Variants in ARHGAP6 observed in about 807,000 individuals in gnomAD.
The protein encoded by ARHGAP6 is rho GTPase-activating protein 6.
ARHGAP6 carries 16 observed loss-of-function variants against 55.7 expected under a neutral mutation model. That is an observed-to-expected ratio of 0.29 (90% confidence interval 0.19 to 0.44). The LOEUF is 0.44. Ranked by LOEUF, ARHGAP6 falls within the 20% of genes least tolerant of loss-of-function variation. The probability of loss-of-function intolerance (pLI) is 1.00; values close to 1 mark genes in which losing one functional copy is unlikely to be tolerated. For synonymous variants in ARHGAP6, 382 were observed against 360.9 expected (o/e 1.06, Z -0.66); for missense variants, 698 against 808.9 (o/e 0.86, Z 1.66).
chrX:11,564,285 T>C (rs973471414), intron 1 of ARHGAP6, among the ~76,000 whole-genome samples: 3 of 111,422 alleles, frequency 2.7e-5, no homozygotes, highest in East Asian at 2.8e-4. Flanking sequence ...TTTTTCCAAC[T>C]AGAATTTTTT....
chrX:11,646,440 A>T (rs2052528648), intron 1 of ARHGAP6, among the ~76,000 whole-genome samples: 1 of 111,843 alleles, frequency 8.9e-6, no homozygotes, highest in Non-Finnish European at 1.9e-5. Context: ...TTCAATACAG[A>T]ATATAAACGC....
At chrX:11,611,875 A>C (rs1430420790) in intron 1 of ARHGAP6, among the ~76,000 whole-genome samples, 1 of 110,206 alleles carries the variant, frequency 9.1e-6, no homozygotes, top group African/African-American at 3.3e-5. Context: ...CTGAGTGACT[A>C]TAATATGCCA....
intron 1 of ARHGAP6, among the ~76,000 whole-genome samples, chrX:11,647,290 A>G (rs1295348240): frequency 8.9e-6 from 1 of 112,484 alleles, no homozygotes; most frequent in African/African-American, 3.2e-5. Flanking sequence ...TGAGCACAGA[A>G]GAATGCTGCT....
intron 1 of ARHGAP6, among the ~76,000 whole-genome samples, chrX:11,551,652 G>A (rs945158475): frequency 4.5e-5 from 5 of 111,909 alleles, no homozygotes; most frequent in Admixed American, 1.9e-4. Context: ...TTAAAATGAT[G>A]TCATTAGAGT....
At chrX:11,411,701 AATATAT>A (rs1556011229) in intron 1 of ARHGAP6, among the ~76,000 whole-genome samples, 1 of 111,332 alleles carries the variant, frequency 9.0e-6, no homozygotes, top group African/African-American at 3.3e-5. Context: ...GAAAGGAAAA[AATATAT>A]ATATACCATT....
intron 2 of ARHGAP6, among the ~76,000 whole-genome samples, chrX:11,238,167 T>A (rs751276851): frequency 2.7e-5 from 3 of 112,824 alleles, no homozygotes; most frequent in Non-Finnish European, 5.6e-5. Context: ...GCTCAAGTTA[T>A]ACTTTATCTC....
At chrX:11,552,599 T>TATATATATATATATAC (rs1491079107) in intron 1 of ARHGAP6, among the ~76,000 whole-genome samples, 3 of 48,229 alleles carry the variant, frequency 6.2e-5, no homozygotes, top group Non-Finnish European at 1.1e-4. Flanking sequence ...TATATATATA[T>TATATATATATATATAC]AGACACACAC....
chrX:11,319,026 G>C (rs923389896), intron 1 of ARHGAP6, among the ~76,000 whole-genome samples: 1 of 112,016 alleles, frequency 8.9e-6, no homozygotes, highest in Admixed American at 9.5e-5. Flanking sequence ...ATAAATGATA[G>C]ACCCATTGCC....
intron 10 of ARHGAP6, among the ~76,000 whole-genome samples, chrX:11,153,193 A>C (rs1326004872): frequency 4.5e-5 from 5 of 111,762 alleles, no homozygotes; most frequent in Non-Finnish European, 7.5e-5. Context: ...ATTCAGAAAG[A>C]GCATTTTAAC....
intron 1 of ARHGAP6, among the ~76,000 whole-genome samples, chrX:11,538,851 T>G (rs866356328): frequency 4.6e-5 from 3 of 64,817 alleles, no homozygotes; most frequent in South Asian, 6.8e-4. Flanking sequence ...TGTGTGTGGT[T>G]TTTTTTTTTT....
chrX:11,315,053 C>T (rs751719893), intron 1 of ARHGAP6, among the ~76,000 whole-genome samples: 1 of 112,238 alleles, frequency 8.9e-6, no homozygotes, highest in East Asian at 2.8e-4. Flanking sequence ...CTTTTGTTAG[C>T]CTGCATATAC....
intron 1 of ARHGAP6, among the ~76,000 whole-genome samples, chrX:11,273,729 C>A (rs916143032): frequency 1.8e-5 from 2 of 110,782 alleles, no homozygotes; most frequent in Non-Finnish European, 3.8e-5. Context: ...ACCACAACTA[C>A]TAATTAGTGG....
chrX:11,504,530 G>A (rs113640224), intron 1 of ARHGAP6, among the ~76,000 whole-genome samples: 10,012 of 111,544 alleles, frequency 0.09, 514 homozygotes, highest in East Asian at 0.18. Context: ...AATAAATATT[G>A]TAGAACCCTT....
intron 1 of ARHGAP6, among the ~76,000 whole-genome samples, chrX:11,605,670 T>C (rs1317987405): frequency 1.8e-5 from 2 of 111,651 alleles, no homozygotes; most frequent in East Asian, 5.6e-4. Context: ...AATCTGGATG[T>C]CCCAGGAGGG....
intron 1 of ARHGAP6, among the ~76,000 whole-genome samples, chrX:11,448,728 C>T (rs2050117359): frequency 9.0e-6 from 1 of 111,338 alleles, no homozygotes; most frequent in Admixed American, 9.6e-5. Flanking sequence ...CTGGGAACCA[C>T]TGGCCTAGTC....
chrX:11,518,438 C>T (rs959065469), intron 1 of ARHGAP6, among the ~76,000 whole-genome samples: 1 of 105,286 alleles, frequency 9.5e-6, no homozygotes, highest in Non-Finnish European at 1.9e-5. Flanking sequence ...GCCACTGTGC[C>T]TGGCCCAATT....
intron 1 of ARHGAP6, among the ~76,000 whole-genome samples, chrX:11,560,473 G>A (rs190272502): frequency 1.5e-4 from 17 of 112,227 alleles, no homozygotes; most frequent in Non-Finnish European, 2.6e-4. Flanking sequence ...GCCTATGTAG[G>A]ACATTTGTAT....
At chrX:11,218,697 G>A (rs1295111113) in intron 2 of ARHGAP6, among the ~76,000 whole-genome samples, 1 of 111,318 alleles carries the variant, frequency 9.0e-6, no homozygotes, top group East Asian at 2.8e-4. Context: ...TTGGGAGGGT[G>A]TATGTGTCCA....
At chrX:11,518,914 T>C (rs1393751677) in intron 1 of ARHGAP6, among the ~76,000 whole-genome samples, 2 of 93,170 alleles carry the variant, frequency 2.1e-5, no homozygotes, top group Non-Finnish European at 4.2e-5. Context: ...GATAGTTTAC[T>C]GAGAATGATG....
Sources: allele counts gnomAD v4.1 joint callset (sites outside exome capture counted in the v4.1 genomes callset), GRCh38; gene constraint gnomAD v4.1.1; transcripts MANE v1.5; gene names NCBI Gene and HGNC (gene_info 2026-07-23, HGNC 2026-07-21).